RABGAP1: variants seen among roughly 807,000 people sequenced by gnomAD.
RABGAP1 encodes the protein rab GTPase-activating protein 1.
In RABGAP1, 23 loss-of-function variants were observed where a neutral mutation model predicts 137.6. That is an observed-to-expected ratio of 0.17 (90% CI 0.12 to 0.24). RABGAP1 has a LOEUF of 0.24. Among genes scored for constraint, RABGAP1 ranks in the 10% least tolerant of loss-of-function variants. The pLI, the probability that RABGAP1 is intolerant of heterozygous loss-of-function variation, is 1.00. For missense variants in RABGAP1, 906 were observed against 1,275.8 expected, an observed-to-expected ratio of 0.71 and a Z score of 4.42; for synonymous variants, 451 against 450.7, an observed-to-expected ratio of 1.00 and a Z score of -0.01.
chr9:123,042,403 C>T (rs1293598633), intron 13 of RABGAP1, among the ~76,000 whole-genome samples: 1 of 152,076 alleles, frequency 6.6e-6, no homozygotes, highest in African/African-American at 2.4e-5. Context: ...AACAATCAAG[C>T]AAATGACAGA....
chr9:123,020,142 T>C (rs1184639362), intron 12 of RABGAP1, among the ~76,000 whole-genome samples, 167 bp from the exon 13 acceptor site: 1 of 152,156 alleles, frequency 6.6e-6, no homozygotes, highest in Non-Finnish European at 1.5e-5. Context: ...CCAATCTCTC[T>C]TAGTTATCTT....
In RABGAP1 at chr9:123,103,330, A is replaced by G. The variant is rs2035397251; in HGVS notation, c.*117A>G. 4 of 1,464,928 alleles carry G rather than the reference A, an allele frequency of 2.7e-6. No homozygotes were observed. In the East Asian group the frequency reaches 9.3e-5, roughly 34 times the overall value. 90.7% of individuals were successfully genotyped at this position (1,464,928 alleles called of 1,614,324 possible). A position where few individuals can be genotyped will look rare whatever the true frequency, so the allele number is the denominator to read the frequency against. ...ACCAGAATGTACCTAAGTCAGATCCATAGACGCATGTTGGTAGGTCACTGG... is the reference window on the plus strand; with the variant it reads ...ACCAGAATGTACCTAAGTCAGATCCGTAGACGCATGTTGGTAGGTCACTGG... On this transcript the variant is annotated 3_prime_UTR_variant, in exon 26 of 26. Transcript: ENST00000373647.
chr9:122,993,653 G>A (rs1360141285), intron 6 of RABGAP1, among the ~76,000 whole-genome samples: 7 of 152,106 alleles, frequency 4.6e-5, no homozygotes, highest in Non-Finnish European at 8.8e-5. Flanking sequence ...TTGTTGTTGA[G>A]ACAGGGTCTC....
At chr9:123,086,506 G>T (rs1389316155) in intron 19 of RABGAP1, among the ~76,000 whole-genome samples, 3 of 152,148 alleles carry the variant, frequency 2.0e-5, no homozygotes, top group African/African-American at 4.8e-5. Flanking sequence ...GCTGCTGCTG[G>T]CACCTTCTGG....
At chr9:123,075,236 A>G (rs1380411044) in intron 17 of RABGAP1, among the ~76,000 whole-genome samples, 1 of 152,146 alleles carries the variant, frequency 6.6e-6, no homozygotes, top group Non-Finnish European at 1.5e-5. Context: ...ATGTGTTCAT[A>G]TATGTGTATG....
intron 13 of RABGAP1, among the ~76,000 whole-genome samples, chr9:123,050,125 G>T (rs574667588): frequency 2.0e-5 from 3 of 152,310 alleles, no homozygotes; most frequent in Non-Finnish European, 2.9e-5. Context: ...ATTATGACCA[G>T]ATTCTGAAAT....
chr9:123,064,897 A>G (rs892730776), intron 13 of RABGAP1, among the ~76,000 whole-genome samples: 1 of 152,188 alleles, frequency 6.6e-6, no homozygotes, highest in African/African-American at 2.4e-5. Context: ...ACAAATCCCA[A>G]TTAAGTAACT....
intron 2 of RABGAP1, among the ~76,000 whole-genome samples, chr9:122,958,511 G>T (rs1210591247): frequency 6.6e-6 from 1 of 152,058 alleles, no homozygotes; most frequent in Non-Finnish European, 1.5e-5. Flanking sequence ...TTGGACACAG[G>T]ATGGGGAACA....
chr9:123,054,988 A>G (rs2033633145), intron 13 of RABGAP1, among the ~76,000 whole-genome samples: 1 of 152,254 alleles, frequency 6.6e-6, no homozygotes, highest in East Asian at 1.9e-4. Context: ...TTTCTCCACC[A>G]TGTCATACTG....
chr9:122,986,392 T>A lies in RABGAP1; in HGVS notation c.563T>A (p.Val188Glu). 1 of 1,614,190 alleles carries A rather than the reference T, an allele frequency of 6.2e-7. No homozygotes were observed. Among genetic ancestry groups the A allele is most frequent in the Non-Finnish European group, 8.5e-7 (1 of 1,180,010 alleles). Residue 188 changes from valine to glutamate, a missense_variant, in exon 4 of 26, where the codon GTG becomes GAG. Physicochemically the swap from Val to Glu is moderately radical, Grantham distance 121. Around this residue, in one of 9 missense-constraint regions of RABGAP1, gnomAD observed 331 missense variants for 358.3 expected, o/e 0.92. Coordinates refer to ENST00000373647, the MANE Select transcript of RABGAP1 (RefSeq NM_012197.4). Reference protein sequence around the residue: ...CQISLDVTLSVPNVSEGIVRL... With the variant: ...CQISLDVTLSEPNVSEGIVRL... ...ATTTCACTAGATGTTACCCTTTCAGTGCCGAATGTGTCTGAAGGAATTGTG... is the reference window on the plus strand; with the variant it reads ...ATTTCACTAGATGTTACCCTTTCAGAGCCGAATGTGTCTGAAGGAATTGTG...
At chr9:123,003,183 T>C (rs1175730858) in intron 10 of RABGAP1, among the ~76,000 whole-genome samples, 1 of 152,204 alleles carries the variant, frequency 6.6e-6, no homozygotes, top group African/African-American at 2.4e-5. Flanking sequence ...GAGGTTCAAC[T>C]GTGACCATCA....
At chr9:122,959,797 G>A (rs899062951) in intron 2 of RABGAP1, among the ~76,000 whole-genome samples, 45 of 152,276 alleles carry the variant, frequency 3.0e-4, no homozygotes, top group African/African-American at 1.1e-3. Flanking sequence ...GCTTCCCCAT[G>A]CCTGTTTCTG....
chr9:122,989,731 C>T (rs624108), intron 5 of RABGAP1: 426,167 of 532,870 alleles, frequency 0.8, 177,626 homozygotes, highest in South Asian at 0.89. Context: ...CTGGTTCTAA[C>T]ATTGACAGAT....
intron 6 of RABGAP1, 107 bp downstream of exon 6, chr9:122,990,320 C>A: frequency 7.0e-6 from 7 of 997,504 alleles, no homozygotes; most frequent in South Asian, 2.7e-5. Flanking sequence ...AAAGGGAGGG[C>A]TTTTAAAAAA....
intron 13 of RABGAP1, among the ~76,000 whole-genome samples, chr9:123,020,687 T>C (rs1336681845): frequency 6.6e-6 from 1 of 151,346 alleles, no homozygotes; most frequent in Non-Finnish European, 1.5e-5. Context: ...TAGCCCATTG[T>C]ATATCCAGAT....
At position 123,089,863 on chromosome 9, in the gene RABGAP1, A is replaced by G; in HGVS notation, c.2517+13A>G. 1 of 1,606,348 alleles carries G rather than the reference A, an allele frequency of 6.2e-7. No individual in the cohort carries two copies. The highest frequency in any genetic ancestry group is 8.5e-7 in the Non-Finnish European group (1 of 1,173,552). Reference sequence around the variant, plus strand: ...CGAGCGATTTGAGGTTTGTTTGCTTATGGCCTACGTGTGAGGAGCTCCCAT... The same window carrying G: ...CGAGCGATTTGAGGTTTGTTTGCTTGTGGCCTACGTGTGAGGAGCTCCCAT... On this transcript the variant is annotated intron_variant, in intron 20 of 25. Coordinates refer to ENST00000373647, the MANE Select transcript of RABGAP1 (RefSeq NM_012197.4).
rs552723118 is a variant in RABGAP1 at position 123,056,911 on chromosome 9, A to G, written c.1795-8437A>G. ...GACACAGCAACCATCCGATTTCTCA[A>G]TCTTTTCCCCACCTTTCCCCCTTTT... On this transcript the variant is annotated intron_variant, in intron 13 of 25. Coordinates refer to ENST00000373647, the MANE Select transcript of RABGAP1 (RefSeq NM_012197.4). Among the ~76,000 whole-genome samples, 115 of 152,298 alleles carry G rather than the reference A, an allele frequency of 7.6e-4. 1 individual carries two copies. The highest frequency in any genetic ancestry group is 2.6e-3 in the African/African-American group (108 of 41,558).
At chr9:123,049,489 A>G (rs530534777) in intron 13 of RABGAP1, among the ~76,000 whole-genome samples, 1 of 152,386 alleles carries the variant, frequency 6.6e-6, no homozygotes, top group African/African-American at 2.4e-5. Context: ...GAAAAAAGAT[A>G]ATCAGCAAAG....
At chr9:122,970,134 G>A (rs1442322495) in intron 2 of RABGAP1, among the ~76,000 whole-genome samples, 1 of 148,076 alleles carries the variant, frequency 6.8e-6, no homozygotes, top group Non-Finnish European at 1.5e-5. Context: ...GGCTGGTCTT[G>A]AACTCTTGGC....
Sources: gnomAD v4.1 joint callset for allele counts (sites outside exome capture counted in the v4.1 genomes callset) on GRCh38, gnomAD v4.1.1 for gene constraint, gnomAD v4.1.1 regional missense constraint, MANE v1.5 for transcripts, NCBI Gene and HGNC (gene_info 2026-07-23, HGNC 2026-07-21) for gene names.